ALG9: variants seen among roughly 807,000 people sequenced by gnomAD.
ALG9 encodes ALG9 alpha-1,2-mannosyltransferase.
Under a neutral mutation model 81.8 loss-of-function variants are expected in ALG9, and 55 were observed. The ratio of observed to expected loss-of-function variants is 0.67; its 90% CI spans 0.54 to 0.84. The LOEUF is 0.84. ALG9 is among the 40% of genes least tolerant of loss of function. ALG9 has a pLI of 0.00. For synonymous variants in ALG9, 278 were observed against 274.3 expected, an observed-to-expected ratio of 1.01 and a Z score of -0.13; for missense variants, 629 against 745.0, an observed-to-expected ratio of 0.84 and a Z score of 1.81.
chr11:111,769,616 CA>C, the ALG9 span, among the ~76,000 whole-genome samples: 1,248 of 131,572 alleles, frequency 9.5e-3, 21 homozygotes, highest in South Asian at 0.035. Flanking sequence ...GACCCTGTCT[CA>C]AAAAAAAAAA....
In ALG9 at chr11:111,785,565, T is replaced by C. The variant is rs1394113645; in HGVS notation, c.*832A>G. ...GATTACATTACTTAAAAATGTGATG[T>C]CATCCAAATGTATCAATTGATAGAA... On this transcript the variant is annotated 3_prime_UTR_variant, in exon 15 of 15. Transcript: ENST00000616540. 1 of 154,178 alleles carries C rather than the reference T, an allele frequency of 6.5e-6. No homozygotes were observed. Among genetic ancestry groups the C allele is most frequent in the African/African-American group, 2.4e-5 (1 of 41,484 alleles). 9.6% of individuals were successfully genotyped at this position (154,178 alleles called of 1,614,324 possible).
At chr11:111,804,842 T>C (rs937982195) in intron 14 of ALG9, among the ~76,000 whole-genome samples, 2 of 152,238 alleles carry the variant, frequency 1.3e-5, no homozygotes, top group Admixed American at 1.3e-4. Context: ...CAGGAACTCA[T>C]TCATTCATTG....
intron 14 of ALG9, among the ~76,000 whole-genome samples, chr11:111,796,050 G>T (rs946948672): frequency 6.6e-6 from 1 of 152,146 alleles, no homozygotes; most frequent in Admixed American, 6.5e-5. Context: ...AGAAGGATTA[G>T]GGGTCACATC....
chr11:111,844,659 C>A lies in ALG9; in HGVS notation c.960G>T (p.Leu320Phe). Residue 320 changes from leucine (L) to phenylalanine (F), a missense_variant, in exon 9 of 15, where the codon TTG (leucine) becomes TTT (phenylalanine). Physicochemically the swap from Leu to Phe is conservative, Grantham distance 22 (BLOSUM62 0). Transcript: ENST00000616540. ...GFLNFNVAFA[L>F]ALLVLPLTSL... Reference sequence around the variant, plus strand: ...AAGTCAGTGGTAGGACTAGGAGAGCCAAAGCAAAGGCTACATTGAAATTCA... The same window carrying A: ...AAGTCAGTGGTAGGACTAGGAGAGCAAAAGCAAAGGCTACATTGAAATTCA... 1 of 1,613,756 alleles carries A rather than the reference C, an allele frequency of 6.2e-7. No homozygotes were observed. Among genetic ancestry groups the A allele is most frequent in the Non-Finnish European group, 8.5e-7 (1 of 1,179,910 alleles).
chr11:111,865,755 C>T (rs1367205861), intron 3 of ALG9, among the ~76,000 whole-genome samples: 1 of 152,074 alleles, frequency 6.6e-6, no homozygotes, highest in Admixed American at 6.6e-5. Flanking sequence ...ACACTATATG[C>T]ATGTGGAAAG....
At chr11:111,839,600 A>AG (rs1566000364) in intron 10 of ALG9, among the ~76,000 whole-genome samples, 9 of 125,792 alleles carry the variant, frequency 7.2e-5, no homozygotes, top group African/African-American at 2.3e-4. Flanking sequence ...AAAAAAAAAA[A>AG]AGGGGGGGGG....
At chr11:111,835,390 T>G (rs1425540395) in intron 13 of ALG9, among the ~76,000 whole-genome samples, 3 of 152,210 alleles carry the variant, frequency 2.0e-5, no homozygotes, top group African/African-American at 7.2e-5. Context: ...TCGCATGGGA[T>G]CTCAGAATGT....
chr11:111,849,752 G>A (rs1001605140), intron 8 of ALG9: 2 of 152,130 alleles, frequency 1.3e-5, no homozygotes, highest in Non-Finnish European at 2.9e-5. Context: ...TCCTGTGTTA[G>A]TTTGCTGAGG....
At chr11:111,867,852 C>T (rs1178504532) in intron 3 of ALG9, among the ~76,000 whole-genome samples, 1 of 152,170 alleles carries the variant, frequency 6.6e-6, no homozygotes, top group African/African-American at 2.4e-5. Flanking sequence ...CTACTTCCCA[C>T]TAACCCAGCA....
At chr11:111,844,772 C>T (rs1956715543) in intron 8 of ALG9, 49 bp from the exon 9 acceptor site, 1 of 1,593,644 alleles carries the variant, frequency 6.3e-7, no homozygotes, top group Non-Finnish European at 8.6e-7. Flanking sequence ...CCTTTAACAC[C>T]TATTACGGTG....
intron 13 of ALG9, among the ~76,000 whole-genome samples, chr11:111,820,949 A>AC (rs1555103000): frequency 8.3e-6 from 1 of 120,120 alleles, no homozygotes; most frequent in Non-Finnish European, 1.8e-5. Flanking sequence ...CACACACACA[A>AC]GCCAGGTATG....
intron 13 of ALG9, chr11:111,829,154 CA>C: frequency 6.6e-6 from 1 of 152,106 alleles, no homozygotes; most frequent in Non-Finnish European, 1.5e-5. Flanking sequence ...ATTCAAAAAT[CA>C]AAAGACTGGA....
intron 12 of ALG9, 150 bp from the exon 13 acceptor site, chr11:111,836,444 C>G: frequency 1.0e-6 from 1 of 988,588 alleles, no homozygotes; most frequent in Non-Finnish European, 1.5e-6. Flanking sequence ...AGCACAGAGG[C>G]AGAGGTCACA....
intron 3 of ALG9, among the ~76,000 whole-genome samples, chr11:111,866,336 C>A (rs1424846958): frequency 6.6e-6 from 1 of 152,126 alleles, no homozygotes; most frequent in Admixed American, 6.5e-5. Flanking sequence ...TGGGATCTCA[C>A]TCCTGAGTGT....
chr11:111,768,381 GGTT>G, the ALG9 span, among the ~76,000 whole-genome samples: 74 of 151,876 alleles, frequency 4.9e-4, 1 homozygote, highest in South Asian at 0.014. Context: ...AATTTGTTGT[GGTT>G]TTTTTTTAGC....
intron 13 of ALG9, among the ~76,000 whole-genome samples, chr11:111,832,936 G>A (rs782383458): frequency 6.6e-6 from 1 of 152,160 alleles, no homozygotes; most frequent in African/African-American, 2.4e-5. Flanking sequence ...GGAGCTTGAA[G>A]TGGAAGGATC....
At chr11:111,837,225 C>T (rs1955453038) in intron 12 of ALG9, among the ~76,000 whole-genome samples, 2 of 152,130 alleles carry the variant, frequency 1.3e-5, no homozygotes, top group Admixed American at 6.5e-5. Context: ...TTCAGAAGTC[C>T]CCAGACACCT....
downstream of ALG9, among the ~76,000 whole-genome samples, chr11:111,779,731 GC>G (rs1945826114): frequency 6.6e-6 from 1 of 151,490 alleles, no homozygotes; most frequent in Non-Finnish European, 1.5e-5. Context: ...CAAACAAAAA[GC>G]CCTACCACCT....
intron 13 of ALG9, among the ~76,000 whole-genome samples, chr11:111,820,281 T>C (rs1318052638): frequency 1.3e-5 from 2 of 151,978 alleles, no homozygotes; most frequent in Non-Finnish European, 2.9e-5. Flanking sequence ...GGATAATTTA[T>C]AAAGAAAAGA....
Sources: allele counts gnomAD v4.1 joint callset (sites outside exome capture counted in the v4.1 genomes callset), GRCh38; gene constraint gnomAD v4.1.1; transcripts MANE v1.5; gene names NCBI Gene and HGNC (gene_info 2026-07-23, HGNC 2026-07-21).